PCDH11X: variants seen among roughly 807,000 people sequenced by gnomAD.
PCDH11X encodes the protein protocadherin 11 X-linked.
In PCDH11X, 18 loss-of-function variants were observed where a neutral mutation model predicts 53.3. The observed-to-expected ratio is 0.34, with a 90% CI of 0.23 to 0.50. The LOEUF (loss-of-function observed/expected upper bound fraction) is 0.50, where lower values mean the gene tolerates loss of function less well. PCDH11X is among the 20% of genes least tolerant of loss of function. The probability of loss-of-function intolerance (pLI) is 0.98; values close to 1 mark genes in which losing one functional copy is unlikely to be tolerated. For missense variants in PCDH11X, 570 were observed against 1,032.4 expected (o/e 0.55, Z 6.14); for synonymous variants, 279 against 393.3 (o/e 0.71, Z 3.44).
intron 7 of PCDH11X, among the ~76,000 whole-genome samples, chrX:92,222,744 T>G (rs5942188): frequency 1.8e-5 from 2 of 109,881 alleles, no homozygotes; most frequent in Non-Finnish European, 3.8e-5. Flanking sequence ...GCAAAACACA[T>G]CACATGGACT....
At position 92,583,046 on chromosome X, in the gene PCDH11X, TAC is replaced by T. The variant is rs1412549318; in HGVS notation, c.3368-35216_3368-35215del. 1.9e-4 allele frequency among the ~76,000 whole-genome samples: 21 copies of T among 109,291 alleles called. No homozygotes were observed. In the East Asian group the frequency reaches 6.0e-3, roughly 31 times the overall value. 94.9% of individuals were successfully genotyped at this position (109,291 alleles called of 115,157 possible). Reference sequence around the variant, plus strand: ...GAAATAGCAAACTTCCTTCTGATTTTACAGTCTCATAGGTGGAAGGGACTTGC... The same window carrying T: ...GAAATAGCAAACTTCCTTCTGATTTTAGTCTCATAGGTGGAAGGGACTTGC... On this transcript the variant is annotated intron_variant, in intron 10 of 10. Transcript: ENST00000682573.
chrX:92,436,841 G>T (rs984961468), intron 9 of PCDH11X, among the ~76,000 whole-genome samples: 2 of 109,468 alleles, frequency 1.8e-5, no homozygotes, highest in African/African-American at 6.6e-5. Context: ...AGGAGGGAGA[G>T]GAGCAGAAAT....
intron 8 of PCDH11X, among the ~76,000 whole-genome samples, chrX:92,377,463 A>G (rs973424452): frequency 9.0e-6 from 1 of 111,578 alleles, no homozygotes; most frequent in Non-Finnish European, 1.9e-5. Context: ...AAAATTTTGT[A>G]TTATGAAGGC....
At chrX:92,443,336 T>A (rs192124679) in intron 9 of PCDH11X, among the ~76,000 whole-genome samples, 2,006 of 111,508 alleles carry the variant, frequency 0.018, 19 homozygotes, top group Middle Eastern at 0.066. Flanking sequence ...CTATTTTTAA[T>A]GGGGTTGTTA....
At chrX:92,275,482 G>T (rs2068065581) in intron 8 of PCDH11X, among the ~76,000 whole-genome samples, 1 of 111,444 alleles carries the variant, frequency 9.0e-6, no homozygotes, top group Non-Finnish European at 1.9e-5. Context: ...GGGTGTCAGG[G>T]TCAGTCTAAG....
At chrX:92,325,396 C>T (rs6618963) in intron 8 of PCDH11X, among the ~76,000 whole-genome samples, 8,849 of 110,645 alleles carry the variant, frequency 0.08, 951 homozygotes, top group East Asian at 0.63. Context: ...AGTATTATAA[C>T]TTTAAGTGAC....
intron 9 of PCDH11X, among the ~76,000 whole-genome samples, chrX:92,447,350 T>A (rs1204678700): frequency 3.6e-5 from 4 of 110,791 alleles, no homozygotes; most frequent in Non-Finnish European, 7.6e-5. Context: ...GATTTAAAAA[T>A]GGCTTTGTGG....
intron 8 of PCDH11X, among the ~76,000 whole-genome samples, chrX:92,335,080 GA>G (rs1248560320): frequency 9.1e-6 from 1 of 109,704 alleles, no homozygotes; most frequent in African/African-American, 3.3e-5. Context: ...ACAGGTAAGG[GA>G]AAAAACACAA....
intron 10 of PCDH11X, among the ~76,000 whole-genome samples, chrX:92,493,189 A>T (rs12156997): frequency 3.9e-4 from 44 of 111,460 alleles, no homozygotes; most frequent in Non-Finnish European, 6.6e-4. Flanking sequence ...ATGAGACTAC[A>T]GTAAAGTTCA....
chrX:92,532,673 A>G (rs2074580075), intron 10 of PCDH11X, among the ~76,000 whole-genome samples: 1 of 107,258 alleles, frequency 9.3e-6, no homozygotes. Context: ...AAAAAAAAGG[A>G]GAAGGCAAAG....
chrX:91,933,772 G>A lies in PCDH11X; in HGVS notation c.3033+54499G>A, dbSNP rs186936977. 8.1e-5 allele frequency among the ~76,000 whole-genome samples: 9 copies of A among 111,352 alleles called. No homozygotes were observed. In the Admixed American group the frequency reaches 8.6e-4, roughly 11 times the overall value. On this transcript the variant is annotated intron_variant, in intron 6 of 10. Transcript: ENST00000682573. ...ACTATTGCTAAATGGGAAAGTTGGT[G>A]TGAAGAAATTAATATTTTAGGTGTC...
chrX:92,492,233 A>G (rs943724649), intron 10 of PCDH11X, among the ~76,000 whole-genome samples: 2 of 111,954 alleles, frequency 1.8e-5, no homozygotes, highest in Non-Finnish European at 3.8e-5. Flanking sequence ...TCTGGATACA[A>G]TTTGAAGAAT....
At chrX:92,589,422 A>G (rs1469448309) in intron 10 of PCDH11X, among the ~76,000 whole-genome samples, 1 of 111,828 alleles carries the variant, frequency 8.9e-6, no homozygotes, top group Non-Finnish European at 1.9e-5. Context: ...AATATTAACA[A>G]CAAAAATTTG....
rs192457575 is a variant in PCDH11X, at chrX:92,149,400, G to C, written c.3034-51975G>C. Among the ~76,000 whole-genome samples, 192 of 108,097 alleles carry C rather than the reference G, an allele frequency of 1.8e-3. 1 individual carries two copies. The highest frequency in any genetic ancestry group is 4.9e-3 in the Middle Eastern group (1 of 205). 93.9% of individuals were successfully genotyped at this position (108,097 alleles called of 115,157 possible). A position where few individuals can be genotyped will look rare whatever the true frequency, so the allele number is the denominator to read the frequency against. On this transcript the variant is annotated intron_variant, in intron 6 of 10. Transcript: ENST00000682573. Reference sequence around the variant, plus strand: ...CAATCCATTTGTGACAAGGATATAGGCTGGAATGAGAGATCTCTCTCTTTC... The same window carrying C: ...CAATCCATTTGTGACAAGGATATAGCCTGGAATGAGAGATCTCTCTCTTTC...
At chrX:91,827,678 A>T (rs1193451358) in intron 4 of PCDH11X, among the ~76,000 whole-genome samples, 1 of 110,691 alleles carries the variant, frequency 9.0e-6, no homozygotes, top group East Asian at 2.9e-4. Context: ...GGCTACCCAG[A>T]TGTCCCAGCC....
intron 8 of PCDH11X, among the ~76,000 whole-genome samples, chrX:92,375,379 C>T (rs1457204258): frequency 4.1e-5 from 4 of 98,461 alleles, no homozygotes; most frequent in South Asian, 5.0e-4. Context: ...AGGGTTTCAC[C>T]GTGTTAGCCA....
intron 6 of PCDH11X, among the ~76,000 whole-genome samples, chrX:92,100,197 T>C (rs1238295762): frequency 3.6e-5 from 4 of 111,568 alleles, no homozygotes; most frequent in African/African-American, 1.3e-4. Flanking sequence ...CGAAGAAGCC[T>C]TTCTTCCAAG....
chrX:91,974,833 A>G lies in PCDH11X; in HGVS notation c.3033+95560A>G, dbSNP rs1421682432. 5.5e-5 allele frequency among the ~76,000 whole-genome samples: 6 copies of G among 109,072 alleles called. No homozygotes were observed. In the East Asian group the frequency reaches 1.7e-3, roughly 32 times the overall value. The allele number at this position is 109,072 out of a possible 115,157, so 94.7% of individuals were successfully genotyped here. On this transcript the variant is annotated intron_variant, in intron 6 of 10. Coordinates refer to ENST00000682573, the MANE Select transcript of PCDH11X (RefSeq NM_032968.5). ...AATGGCCCGATCTCGGCTCACTGCA[A>G]CCTCCACCTCCCGGGCTCAATTGAT...
intron 4 of PCDH11X, among the ~76,000 whole-genome samples, chrX:91,832,011 C>A (rs1274457630): frequency 9.0e-6 from 1 of 110,583 alleles, no homozygotes; most frequent in East Asian, 2.9e-4. Context: ...TTTAAAACCA[C>A]TGAATGAATT....
Sources: allele counts gnomAD v4.1 joint callset (sites outside exome capture counted in the v4.1 genomes callset), GRCh38; gene constraint gnomAD v4.1.1; transcripts MANE v1.5; gene names NCBI Gene and HGNC (gene_info 2026-07-23, HGNC 2026-07-21).